Variants in WSCD2 observed in about 807,000 individuals in gnomAD.
WSCD2 encodes WSC domain sialate O sulfotransferase 2.
Under a neutral mutation model 55.7 loss-of-function variants are expected in WSCD2, and 28 were observed. That is an observed-to-expected ratio of 0.50 (90% CI 0.37 to 0.69). The LOEUF (loss-of-function observed/expected upper bound fraction) is 0.69, where lower values mean the gene tolerates loss of function less well. WSCD2 is among the 30% of genes least tolerant of loss of function. WSCD2 has a pLI of 0.00. For synonymous variants in WSCD2, 301 were observed against 301.9 expected (o/e 1.00, Z 0.03); for missense variants, 616 against 762.1 (o/e 0.81, Z 2.26).
intron 1 of WSCD2, among the ~76,000 whole-genome samples, chr12:108,182,365 A>G (rs1565941303): frequency 6.6e-6 from 1 of 152,206 alleles, no homozygotes; most frequent in Non-Finnish European, 1.5e-5. Flanking sequence ...GAGAATTTCA[A>G]CTTTGACATG....
At chr12:108,132,462 G>A (rs997134828) in intron 1 of WSCD2, among the ~76,000 whole-genome samples, 6 of 152,214 alleles carry the variant, frequency 3.9e-5, no homozygotes, top group Non-Finnish European at 8.8e-5. Flanking sequence ...GTGTCAGTGT[G>A]AGTGTGTACT....
chr12:108,203,899 G>A (rs750198604), intron 2 of WSCD2, among the ~76,000 whole-genome samples: 7 of 152,150 alleles, frequency 4.6e-5, no homozygotes, highest in Non-Finnish European at 8.8e-5. Flanking sequence ...GGACAGACCT[G>A]GGCTTTAATT....
Position 108,210,649 on chromosome 12 carries a change from TGA to T in WSCD2, c.682+345_682+346del, listed in dbSNP as rs1156349298. Reference sequence around the variant, plus strand: ...CAGAGCAGACTGTCTCTAATGATGATGATGGTGGTAATGGCAATAGCAAACAC... The same window carrying T: ...CAGAGCAGACTGTCTCTAATGATGATTGGTGGTAATGGCAATAGCAAACAC... On this transcript the variant is annotated intron_variant, in intron 4 of 8. Coordinates refer to ENST00000547525, the MANE Select transcript of WSCD2 (RefSeq NM_014653.4). This position sits in a 1 kb window ranked among gnomAD's most constrained non-coding sequence, Gnocchi z 4.3. Among the ~76,000 whole-genome samples the T allele has an allele frequency of 1.3e-5, 2 of 152,224 alleles. No homozygotes were observed. Among genetic ancestry groups the T allele is most frequent in the African/African-American group, 4.8e-5 (2 of 41,458 alleles).
chr12:108,181,511 G>T (rs1009064598), intron 1 of WSCD2, among the ~76,000 whole-genome samples: 4 of 152,206 alleles, frequency 2.6e-5, no homozygotes, highest in African/African-American at 9.6e-5. Flanking sequence ...ACGGGGACTA[G>T]ATGCCTGTCA....
intron 1 of WSCD2, among the ~76,000 whole-genome samples, chr12:108,151,211 TA>T (rs953222559): frequency 6.6e-6 from 1 of 152,278 alleles, no homozygotes. Context: ...TGTGGTGAGA[TA>T]ATTTCTTTCT....
intron 4 of WSCD2, among the ~76,000 whole-genome samples, chr12:108,214,512 T>G (rs1478883891): frequency 6.6e-6 from 1 of 152,252 alleles, no homozygotes; most frequent in Non-Finnish European, 1.5e-5. Flanking sequence ...AGCAGTTTGC[T>G]AAATGTGTCG....
chr12:108,135,861 A>C, intron 1 of WSCD2, among the ~76,000 whole-genome samples: 1 of 56,784 alleles, frequency 1.8e-5, no homozygotes, highest in East Asian at 1.2e-3. Context: ...AAGCCCATTC[A>C]TTGGCTATTG....
At chr12:108,153,015 A>T (rs74932839) in intron 1 of WSCD2, among the ~76,000 whole-genome samples, 4,616 of 152,220 alleles carry the variant, frequency 0.03, 239 homozygotes, top group African/African-American at 0.11. Flanking sequence ...GAGGCATGAG[A>T]ATCGCTTGAA....
chr12:108,211,301 C>T (rs964223643), intron 4 of WSCD2, among the ~76,000 whole-genome samples: 8 of 152,238 alleles, frequency 5.3e-5, no homozygotes, highest in African/African-American at 1.9e-4. Flanking sequence ...ACAGCTGCTT[C>T]TCTAGCCCTC....
chr12:108,181,283 G>C (rs1336761856), intron 1 of WSCD2, among the ~76,000 whole-genome samples: 1 of 152,148 alleles, frequency 6.6e-6, no homozygotes, highest in Non-Finnish European at 1.5e-5. Context: ...GGGGTGTGTG[G>C]GCGGCTGCGT....
chr12:108,248,137 C>A lies in WSCD2; in HGVS notation c.1492C>A (p.Leu498Met), dbSNP rs745428205. ...FVQLGRMVSLLGVAVREDRLL... is the reference protein window; with the variant it reads ...FVQLGRMVSLMGVAVREDRLL... ...CCAGCTGGGCCGGATGGTCAGCCTG[C>A]TGGGCGTGGCTGTCAGGGAGGACCG... Residue 498 changes from leucine (L) to methionine (M), a missense_variant, in exon 9 of 9, where the codon CTG becomes ATG. Physicochemically the swap from Leu to Met is conservative, Grantham distance 15. Transcript: ENST00000547525. This position sits in a 1 kb window ranked among gnomAD's most constrained non-coding sequence, Gnocchi z 4.3. The A allele has an allele frequency of 3.1e-6, 5 of 1,614,224 alleles. No homozygotes were observed. Among genetic ancestry groups the A allele is most frequent in the Non-Finnish European group, 4.2e-6 (5 of 1,180,046 alleles).
intron 8 of WSCD2, 105 bp downstream of exon 8, chr12:108,240,649 C>G: frequency 1.5e-6 from 2 of 1,333,634 alleles, no homozygotes; most frequent in Non-Finnish European, 2.0e-6. Flanking sequence ...GGAGGCAATG[C>G]CTCATGCGAG....
At chr12:108,208,064 C>T (rs1372581035) in intron 3 of WSCD2, among the ~76,000 whole-genome samples, 1 of 152,160 alleles carries the variant, frequency 6.6e-6, no homozygotes, top group Non-Finnish European at 1.5e-5. Flanking sequence ...TAAGTCAGAG[C>T]TACTCATGTA....
chr12:108,191,069 A>G (rs190870584), intron 1 of WSCD2, among the ~76,000 whole-genome samples: 7 of 152,312 alleles, frequency 4.6e-5, no homozygotes, highest in Non-Finnish European at 8.8e-5. Context: ...AATCCTCAAC[A>G]TGCTATGAAC....
chr12:108,195,770 C>T lies in WSCD2; in HGVS notation c.-63C>T. 1 of 1,532,994 alleles carries T rather than the reference C, an allele frequency of 6.5e-7. No homozygotes were observed. Among genetic ancestry groups the T allele is most frequent in the Non-Finnish European group, 8.8e-7 (1 of 1,140,174 alleles). The allele number at this position is 1,532,994 out of a possible 1,614,324, so 95.0% of individuals were successfully genotyped here. ...TAAGGAAAGCTTGGGAAACCAAGCC[C>T]CTTCCATCCTCTCCCAAGCACCCCA... is the stretch of plus-strand genomic sequence containing the variant. On this transcript the variant is annotated 5_prime_UTR_variant, in exon 2 of 9. Coordinates refer to ENST00000547525, the MANE Select transcript of WSCD2 (RefSeq NM_014653.4).
chr12:108,200,741 A>G (rs1359934922), intron 2 of WSCD2, among the ~76,000 whole-genome samples: 1 of 149,844 alleles, frequency 6.7e-6, no homozygotes, highest in Non-Finnish European at 1.5e-5. Context: ...GGGACCCCAA[A>G]GGAGGGACCC....
chr12:108,159,153 C>T (rs1878816557), intron 1 of WSCD2, among the ~76,000 whole-genome samples: 1 of 152,170 alleles, frequency 6.6e-6, no homozygotes, highest in Admixed American at 6.5e-5. Context: ...CTGGTTGTTC[C>T]TCCATCTGGT....
At chr12:108,240,248 T>C (rs1889617781) in intron 7 of WSCD2, 96 bp from the exon 8 acceptor site, 1 of 1,469,558 alleles carries the variant, frequency 6.8e-7, no homozygotes. Flanking sequence ...AGTGAACAAA[T>C]GCATGAGGAT....
At chr12:108,181,994 C>T (rs1220559570) in intron 1 of WSCD2, among the ~76,000 whole-genome samples, 1 of 152,212 alleles carries the variant, frequency 6.6e-6, no homozygotes, top group Non-Finnish European at 1.5e-5. Context: ...ATGGTTTCCT[C>T]AGCTTTCTCA....
Sources: gnomAD v4.1 joint callset for allele counts (sites outside exome capture counted in the v4.1 genomes callset) on GRCh38, gnomAD v4.1.1 for gene constraint, Gnocchi (gnomAD v3.1) non-coding constraint, MANE v1.5 for transcripts, NCBI Gene and HGNC (gene_info 2026-07-23, HGNC 2026-07-21) for gene names.